KIF25: variants seen among roughly 807,000 people sequenced by gnomAD.
KIF25 encodes the protein kinesin-like protein KIF25.
A neutral mutation model predicts 32.9 loss-of-function variants in KIF25; 19 were observed. That is an observed-to-expected ratio of 0.58 (90% CI 0.40 to 0.85). KIF25 has a LOEUF of 0.85. KIF25 is among the 40% of genes least tolerant of loss of function. The pLI is 0.00. For missense variants in KIF25, 485 were observed against 507.0 expected, an observed-to-expected ratio of 0.96 and a Z score of 0.42; for synonymous variants, 225 against 213.7, an observed-to-expected ratio of 1.05 and a Z score of -0.46.
chr6:167,999,347 A>C (rs760435831), intron 2 of KIF25, 27 bp downstream of exon 2: 1 of 152,250 alleles, frequency 6.6e-6, no homozygotes, highest in Non-Finnish European at 1.5e-5. Flanking sequence ...CGGTGTGTGT[A>C]TGTCTGTGTG....
At chr6:168,012,521 C>T (rs943689386) in intron 4 of KIF25, among the ~76,000 whole-genome samples, 3 of 152,106 alleles carry the variant, frequency 2.0e-5, no homozygotes, top group Non-Finnish European at 2.9e-5. Context: ...ATCTCGGGTT[C>T]GGGATACACA....
At chr6:168,015,243 C>G (rs1025822723) in intron 4 of KIF25, among the ~76,000 whole-genome samples, 1 of 152,108 alleles carries the variant, frequency 6.6e-6, no homozygotes, top group Non-Finnish European at 1.5e-5. Context: ...CTGGGAGAGT[C>G]CCTGACTCTG....
chr6:168,012,240 C>T (rs1201551385), intron 4 of KIF25, among the ~76,000 whole-genome samples: 2 of 152,184 alleles, frequency 1.3e-5, no homozygotes, highest in African/African-American at 4.8e-5. Flanking sequence ...TTGGAGGTTA[C>T]ATATTTCCCT....
chr6:168,016,988 C>G lies in KIF25; in HGVS notation c.-162-985C>G, dbSNP rs1420198756. On this transcript the variant is annotated intron_variant, in intron 4 of 12. Coordinates refer to ENST00000643607, the MANE Select transcript of KIF25 (RefSeq NM_030615.4). ...CCACGGCCTCTCACCTCTGGCAAGA[C>G]AGGACAGGTTCACTATTTGATTATC... Among the ~76,000 whole-genome samples the G allele has an allele frequency of 3.3e-5, 5 of 152,268 alleles. No individual in the cohort carries two copies. The East Asian group carries it at 7.7e-4, about 23-fold the overall frequency.
chr6:168,003,814 T>C (rs1486094234), intron 4 of KIF25, 111 bp downstream of exon 4: 2 of 152,236 alleles, frequency 1.3e-5, no homozygotes, highest in Non-Finnish European at 2.9e-5. Context: ...TTGTTTTTGT[T>C]CCTTGATTTC....
At position 167,999,096 on chromosome 6, in the gene KIF25, C is replaced by T. The variant is rs12663760; in HGVS notation, c.-594C>T. On this transcript the variant is annotated 5_prime_UTR_variant, in exon 2 of 13. Transcript: ENST00000643607. ...TAACTGTTCACTACCCTGCAGGGGT[C>T]TTTCGAAGTGGAGACAGGTGCTGCA... 0.076 allele frequency: 11,539 copies of T among 152,338 alleles called. 620 individuals carry two copies. The highest frequency in any genetic ancestry group is 0.18 in the East Asian group (932 of 5,174). The allele number at this position is 152,338 out of a possible 1,614,324, so 9.4% of individuals were successfully genotyped here.
intron 5 of KIF25, among the ~76,000 whole-genome samples, chr6:168,026,797 G>A (rs1479330307): frequency 6.6e-6 from 1 of 152,200 alleles, no homozygotes; most frequent in African/African-American, 2.4e-5. Context: ...CATGTTCATT[G>A]TTTTGAGAAG....
chr6:168,011,709 G>A (rs750522444), intron 4 of KIF25, among the ~76,000 whole-genome samples: 5 of 152,204 alleles, frequency 3.3e-5, no homozygotes, highest in African/African-American at 1.2e-4. Context: ...GGACCTAGAT[G>A]TCCATTTCTC....
rs990535875 is a variant in KIF25, at chr6:168,010,442, C to T, written c.-163+6739C>T. Among the ~76,000 whole-genome samples the T allele has an allele frequency of 5.9e-5, 9 of 152,098 alleles. No individual in the cohort carries two copies. In the East Asian group the frequency reaches 1.5e-3, roughly 26 times the overall value. On this transcript the variant is annotated intron_variant, in intron 4 of 12. Transcript: ENST00000643607. ...ATGTATTTGTGTATTTTCAAATGTT[C>T]CTCTTGTTATTGATGTGGACTTTTA...
At chr6:168,034,058 A>G in intron 8 of KIF25, 27 bp downstream of exon 8, 1 of 1,610,164 alleles carries the variant, frequency 6.2e-7, no homozygotes, top group Non-Finnish European at 8.5e-7. Context: ...TGAGTGGGGC[A>G]GAGAAATATG....
At chr6:168,034,774 C>T (rs911759316) in intron 8 of KIF25, among the ~76,000 whole-genome samples, 1 of 152,164 alleles carries the variant, frequency 6.6e-6, no homozygotes, top group African/African-American at 2.4e-5. Context: ...AAGATGCTCC[C>T]GACCCGTTAG....
At chr6:168,004,120 G>T (rs1222029402) in intron 4 of KIF25, among the ~76,000 whole-genome samples, 1 of 152,206 alleles carries the variant, frequency 6.6e-6, no homozygotes, top group Non-Finnish European at 1.5e-5. Flanking sequence ...CGAGAAGTCA[G>T]AAGGAGCAGC....
At chr6:168,001,956 G>A (rs79182267) in intron 2 of KIF25, among the ~76,000 whole-genome samples, 12 of 103,222 alleles carry the variant, frequency 1.2e-4, no homozygotes, top group African/African-American at 3.2e-4. Flanking sequence ...AGGCGTGGCC[G>A]CGGGCAGGTG....
chr6:168,011,843 T>G (rs1798651974), intron 4 of KIF25, among the ~76,000 whole-genome samples: 1 of 152,214 alleles, frequency 6.6e-6, no homozygotes, highest in Non-Finnish European at 1.5e-5. Flanking sequence ...CCATAAATCC[T>G]GTGAGCTTTC....
intron 5 of KIF25, among the ~76,000 whole-genome samples, chr6:168,026,055 G>A (rs1207335627): frequency 1.3e-5 from 2 of 151,998 alleles, no homozygotes; most frequent in African/African-American, 2.4e-5. Context: ...AGGAAGCTGC[G>A]GGGGGCACCA....
chr6:168,012,023 C>G (rs1798653953), intron 4 of KIF25, among the ~76,000 whole-genome samples: 1 of 152,018 alleles, frequency 6.6e-6, no homozygotes, highest in Non-Finnish European at 1.5e-5. Flanking sequence ...AATTCTTCAG[C>G]TCTAAGATTT....
At chr6:168,008,124 C>A (rs1798602653) in intron 4 of KIF25, among the ~76,000 whole-genome samples, 1 of 152,190 alleles carries the variant, frequency 6.6e-6, no homozygotes, top group African/African-American at 2.4e-5. Context: ...AGAATTTCTT[C>A]CTTGAAGCCA....
intron 4 of KIF25, among the ~76,000 whole-genome samples, chr6:168,005,395 C>T (rs140959199): frequency 1.5e-4 from 23 of 152,216 alleles, no homozygotes; most frequent in Admixed American, 3.9e-4. Context: ...CGCTGCCCTG[C>T]GGGGTTGGGC....
At position 168,036,146 on chromosome 6, in the gene KIF25, G is replaced by T. The variant is rs565791397; in HGVS notation, c.317+2115G>T. ...AAAGTAAATAAAATGCTACTGCCTG[G>T]ATTCCTTGGCTCTGCACGCCTCTCT... On this transcript the variant is annotated intron_variant, in intron 8 of 12. Coordinates refer to ENST00000643607, the MANE Select transcript of KIF25 (RefSeq NM_030615.4). 25 of 184,756 alleles carry T rather than the reference G, an allele frequency of 1.4e-4. No homozygotes were observed. In the South Asian group the frequency reaches 2.6e-3, roughly 19 times the overall value. The allele number at this position is 184,756 out of a possible 1,614,324, so 11.4% of individuals were successfully genotyped here. A position where few individuals can be genotyped will look rare whatever the true frequency, so the allele number is the denominator to read the frequency against.
Sources: gnomAD v4.1 joint callset for allele counts (sites outside exome capture counted in the v4.1 genomes callset) on GRCh38, gnomAD v4.1.1 for gene constraint, MANE v1.5 for transcripts, NCBI Gene and HGNC (gene_info 2026-07-23, HGNC 2026-07-21) for gene names.